Variants in LRRC66 observed in about 807,000 individuals in gnomAD.
The protein encoded by LRRC66 is leucine rich repeat containing 66, also known as leucine-rich repeat-containing protein 66.
A neutral mutation model predicts 24.6 loss-of-function variants in LRRC66; 29 were observed. The ratio of observed to expected loss-of-function variants is 1.18; its 90% CI spans 0.88 to 1.61. The LOEUF (loss-of-function observed/expected upper bound fraction) is 1.61. Ranked by LOEUF, LRRC66 falls within the 40% of genes most tolerant of loss-of-function variation. The pLI is 0.00. For synonymous variants in LRRC66, 411 were observed against 397.6 expected, an observed-to-expected ratio of 1.03 and a Z score of -0.40; for missense variants, 1,124 against 1,058.0, an observed-to-expected ratio of 1.06 and a Z score of -0.87.
At chr4:52,004,810 C>A (rs2110197369) in intron 2 of LRRC66, among the ~76,000 whole-genome samples, 1 of 152,330 alleles carries the variant, frequency 6.6e-6, no homozygotes, top group Middle Eastern at 3.4e-3. Context: ...TGTATACATG[C>A]TAAGCAAGAG....
intron 2 of LRRC66, among the ~76,000 whole-genome samples, chr4:52,013,806 A>G (rs1308388340): frequency 1.3e-5 from 2 of 152,220 alleles, no homozygotes; most frequent in Non-Finnish European, 2.9e-5. Context: ...TATGTGGTAC[A>G]TAGTTACAAA....
At chr4:51,996,549 C>A (rs1736323843) in intron 4 of LRRC66, among the ~76,000 whole-genome samples, 1 of 152,146 alleles carries the variant, frequency 6.6e-6, no homozygotes, top group African/African-American at 2.4e-5. Flanking sequence ...GAGCTGCTGC[C>A]CCAGCTCCAG....
chr4:52,000,376 G>A (rs749988812), intron 3 of LRRC66, among the ~76,000 whole-genome samples: 1 of 152,160 alleles, frequency 6.6e-6, no homozygotes, highest in Admixed American at 6.5e-5. Flanking sequence ...ACCAAGTTAA[G>A]TGGACCTTTT....
intron 2 of LRRC66, among the ~76,000 whole-genome samples, chr4:52,005,241 A>G (rs2110197661): frequency 1.3e-5 from 2 of 152,350 alleles, no homozygotes; most frequent in African/African-American, 4.8e-5. Context: ...AATTGGCACT[A>G]GATGACATTT....
intron 1 of LRRC66, chr4:52,018,456 A>G (rs1736867494): frequency 1.0e-6 from 1 of 985,200 alleles, no homozygotes; most frequent in African/African-American, 1.7e-5. Context: ...TAATCACATT[A>G]TTGAGTATAT....
intron 3 of LRRC66, among the ~76,000 whole-genome samples, chr4:52,000,979 T>C (rs996124718): frequency 2.0e-5 from 3 of 152,262 alleles, no homozygotes; most frequent in African/African-American, 7.2e-5. Flanking sequence ...AATACTCCTA[T>C]CTATGTCCAT....
At chr4:52,012,318 C>A (rs767293174) in intron 2 of LRRC66, among the ~76,000 whole-genome samples, 2 of 152,124 alleles carry the variant, frequency 1.3e-5, no homozygotes, top group Non-Finnish European at 2.9e-5. Flanking sequence ...CTCATAATAT[C>A]AAGCTGAGAT....
chr4:52,003,505 T>TA lies in LRRC66; in HGVS notation c.497-114dup. 7.5e-6 allele frequency: 6 copies of TA among 799,076 alleles called. 1 individual carries two copies. In the South Asian group the frequency reaches 1.1e-4, roughly 14 times the overall value. The allele number at this position is 799,076 out of a possible 1,614,324, so 49.5% of individuals were successfully genotyped here. ...TAAGAGTTCTCAATTGAGGTATTGTTAAACAACGTATGGTATATTAATACT... is the reference window on the plus strand; with the variant it reads ...TAAGAGTTCTCAATTGAGGTATTGTTAAAACAACGTATGGTATATTAATACT... On this transcript the variant is annotated intron_variant, in intron 2 of 4. Transcript: ENST00000682860.
At position 51,995,980 on chromosome 4, in the gene LRRC66, T is replaced by C; in HGVS notation, c.1042A>G (p.Lys348Glu). ...ACACTCCTTGGCAGCCGTCTCTGCT[T>C]CTTCCTGAGACCAGAGCCGGCCTTT... ...KAKAGSGLRKKQRRLPRSVRS... is the reference protein window; with the variant it reads ...KAKAGSGLRKEQRRLPRSVRS... Residue 348 changes from lysine to glutamate, a missense_variant, in exon 5 of 5, where the codon AAG becomes GAG. Coordinates refer to ENST00000682860, the MANE Select transcript of LRRC66 (RefSeq NM_001024611.3). The C allele has an allele frequency of 6.2e-7, 1 of 1,613,986 alleles. No homozygotes were observed.
At position 52,017,218 on chromosome 4, in the gene LRRC66, C is replaced by G. The variant is rs773570695; in HGVS notation, c.396G>C (p.Lys132Asn). Residue 132 changes from lysine (K) to asparagine (N), a missense_variant, in exon 2 of 5, where the codon AAG (lysine) becomes AAC (asparagine). Physicochemically the swap from Lys to Asn is moderately conservative, Grantham distance 94. Transcript: ENST00000682860. ...TTCTGTGGCGTTTCACCCATGAGGA[C>G]TTAGGACTGAGTAGATCCAATGAGA... ...HSLSLDLLSP[K>N]SSWVKRHRSS... is the part of the protein sequence containing the mutation. 6.2e-7 allele frequency: 1 copy of G among 1,614,092 alleles called. No homozygotes were observed. Among genetic ancestry groups the G allele is most frequent in the South Asian group, 1.1e-5 (1 of 91,070 alleles).
intron 3 of LRRC66, among the ~76,000 whole-genome samples, chr4:52,002,443 T>C (rs894336788): frequency 6.6e-6 from 1 of 152,008 alleles, no homozygotes; most frequent in African/African-American, 2.4e-5. Flanking sequence ...AAAAGACCAC[T>C]GAGAGGAGAT....
intron 1 of LRRC66, chr4:52,018,085 A>G (rs1736860782): frequency 1.0e-6 from 1 of 985,346 alleles, no homozygotes; most frequent in Non-Finnish European, 1.2e-6. Flanking sequence ...GACCCTCCAT[A>G]ACTCTATGAG....
In LRRC66 at chr4:52,017,280, C is replaced by G. The variant is rs757245517; in HGVS notation, c.334G>C (p.Glu112Gln). Reference sequence around the variant, plus strand: ...GCATTGTTGCTGAGGTTTAACACTTCCAAAGCATGTAAATATGCAAAAGGG... The same window carrying G: ...GCATTGTTGCTGAGGTTTAACACTTGCAAAGCATGTAAATATGCAAAAGGG... ...LSPFAYLHAL[E>Q]VLNLSNNAIH... Residue 112 changes from glutamate to glutamine, a missense_variant, in exon 2 of 5, where the codon GAA becomes CAA. Coordinates refer to ENST00000682860, the MANE Select transcript of LRRC66 (RefSeq NM_001024611.3). 1.2e-6 allele frequency: 2 copies of G among 1,614,104 alleles called. No homozygotes were observed. Among genetic ancestry groups the G allele is most frequent in the Admixed American group, 3.3e-5 (2 of 60,024 alleles).
intron 2 of LRRC66, among the ~76,000 whole-genome samples, 169 bp from the exon 3 acceptor site, chr4:52,003,561 G>GA (rs1263543806): frequency 2.0e-5 from 3 of 152,198 alleles, no homozygotes; most frequent in African/African-American, 7.2e-5. Flanking sequence ...AAAGGAGAAT[G>GA]AGACAGATCA....
In LRRC66 at chr4:51,995,751, C is replaced by G; in HGVS notation, c.1271G>C (p.Gly424Ala). 22 of 1,614,086 alleles carry G rather than the reference C, an allele frequency of 1.4e-5. No homozygotes were observed. The highest frequency in any genetic ancestry group is 1.9e-5 in the Non-Finnish European group (22 of 1,180,018). ...CGCAGCTTCCATGTCATCGTAGAAG[C>G]CCTCGTTTGAATACGCGTTGTCCAG... is the stretch of plus-strand genomic sequence containing the variant. ...PGLDNAYSNE[G>A]FYDDMEAAGH... is the part of the protein sequence containing the mutation. Residue 424 changes from glycine to alanine, a missense_variant, in exon 5 of 5, where the codon GGC becomes GCC. By Grantham distance (60) the Gly-to-Ala change is moderately conservative (BLOSUM62 0). Transcript: ENST00000682860.
In LRRC66 at chr4:51,995,028, C is replaced by CCTGT. The variant is rs1560555351; in HGVS notation, c.1990_1993dup (p.Gly665AspfsTer20). 6.2e-7 allele frequency: 1 copy of CCTGT among 1,614,106 alleles called. No individual in the cohort carries two copies. Among genetic ancestry groups the CCTGT allele is most frequent in the Non-Finnish European group, 8.5e-7 (1 of 1,180,032 alleles). ...CCATCTTGGAGGAAAGACTGATGGG[C>CCTGT]CTGTGTCTCTTGGGTCACCGTATGG... On this transcript the variant is annotated frameshift_variant, in exon 5 of 5. Transcript: ENST00000682860. LOFTEE classifies it low-confidence loss of function (END_TRUNC).
intron 4 of LRRC66, 55 bp from the exon 5 acceptor site, chr4:51,996,220 G>C: frequency 1.4e-6 from 2 of 1,458,744 alleles, no homozygotes; most frequent in Non-Finnish European, 1.8e-6. Context: ...TAAGATTTCA[G>C]GGGTTTTTCT....
At chr4:52,006,689 C>A (rs1736592943) in intron 2 of LRRC66, among the ~76,000 whole-genome samples, 1 of 121,264 alleles carries the variant, frequency 8.2e-6, no homozygotes. Flanking sequence ...TACCCTAAAA[C>A]TTAAAGTATA....
chr4:52,017,474 G>A lies in LRRC66; in HGVS notation c.140C>T (p.Ser47Phe), dbSNP rs947181252. The A allele has an allele frequency of 1.6e-5, 26 of 1,613,946 alleles. No individual in the cohort carries two copies. Among genetic ancestry groups the A allele is most frequent in the Non-Finnish European group, 2.1e-5 (25 of 1,179,976 alleles). The change falls in exon 2 of 5, where the codon TCT (serine) becomes TTT (phenylalanine). Residue 47 changes from serine to phenylalanine, a missense_variant. Transcript: ENST00000682860. ...QWNEYILTNC[S>F]FTGKCDIPVD... ...AGGTATATCACACTTTCCGGTAAAA[G>A]AACAATTTGTCAGAATATATTCATT...
Sources: allele counts gnomAD v4.1 joint callset (sites outside exome capture counted in the v4.1 genomes callset), GRCh38; gene constraint gnomAD v4.1.1; transcripts MANE v1.5; gene names NCBI Gene and HGNC (gene_info 2026-07-23, HGNC 2026-07-21).